Variants in CEP85 observed in about 807,000 individuals in gnomAD.
CEP85 encodes the protein centrosomal protein 85, also known as centrosomal protein of 85 kDa.
A neutral mutation model predicts 93.7 loss-of-function variants in CEP85; 58 were observed. The observed-to-expected ratio is 0.62, with a 90% CI of 0.50 to 0.77. The LOEUF (loss-of-function observed/expected upper bound fraction) is 0.77, where lower values mean the gene tolerates loss of function less well. CEP85 is among the 30% of genes least tolerant of loss of function. The pLI is 0.00. For synonymous variants in CEP85, 314 were observed against 338.6 expected, an observed-to-expected ratio of 0.93 and a Z score of 0.80; for missense variants, 868 against 922.0, an observed-to-expected ratio of 0.94 and a Z score of 0.76.
rs143678426 is a variant in CEP85 at position 26,258,180 on chromosome 1, C to T, written c.1075C>T (p.Arg359Ter). 2 of 1,614,030 alleles carry T rather than the reference C, an allele frequency of 1.2e-6. No homozygotes were observed. The highest frequency in any genetic ancestry group is 1.7e-6 in the Non-Finnish European group (2 of 1,179,956). ...CATCTCTCAGCTGGAGCAGAAAGTG[C>T]GAGAGAGCGAACTGCAAGTCCACAG... The part of the protein sequence containing the change: ...KHISQLEQKV[R>*]ESELQVHSAL... The change falls in exon 6 of 14, where the codon CGA (arginine) becomes TGA (stop). Residue 359 changes from arginine (R) to a stop codon, truncating the protein, a stop_gained. Coordinates refer to ENST00000451429, the MANE Select transcript of CEP85 (RefSeq NM_001319944.2). LOFTEE classifies it high-confidence loss of function.
chr1:26,236,649 G>C (rs1316271316), intron 1 of CEP85, among the ~76,000 whole-genome samples: 1 of 152,122 alleles, frequency 6.6e-6, no homozygotes, highest in Non-Finnish European at 1.5e-5. Context: ...GTCAATGAGG[G>C]TCAGACTCTG....
intron 3 of CEP85, 48 bp from the exon 4 acceptor site, chr1:26,255,123 A>G: frequency 6.7e-7 from 1 of 1,492,374 alleles, no homozygotes; most frequent in South Asian, 1.2e-5. Flanking sequence ...AAACTCAAGA[A>G]AGCTTGCTAC....
intron 3 of CEP85, among the ~76,000 whole-genome samples, chr1:26,251,943 T>C (rs554614104): frequency 7.2e-5 from 11 of 152,112 alleles, no homozygotes; most frequent in East Asian, 3.9e-4. Context: ...TTAAAACATA[T>C]TGCTTATGGT....
intron 11 of CEP85, chr1:26,272,287 TG>T (rs770285131): frequency 5.3e-6 from 3 of 565,396 alleles, no homozygotes; most frequent in Non-Finnish European, 6.3e-6. Flanking sequence ...CACAGTATCC[TG>T]GGGGAGTGCA....
chr1:26,240,883 G>GT (rs2089411551), intron 2 of CEP85, among the ~76,000 whole-genome samples: 1 of 151,468 alleles, frequency 6.6e-6, no homozygotes. Flanking sequence ...GGGCAACAGA[G>GT]TGAGACTGTG....
chr1:26,271,457 G>GAGGT (rs1040612820), intron 10 of CEP85: 1 of 179,916 alleles, frequency 5.6e-6, no homozygotes, highest in Non-Finnish European at 1.2e-5. Flanking sequence ...TCTAACCAGT[G>GAGGT]AGGTGCCCTG....
chr1:26,274,348 C>T (rs1488277597), intron 11 of CEP85, among the ~76,000 whole-genome samples: 9 of 152,174 alleles, frequency 5.9e-5, no homozygotes, highest in Admixed American at 5.9e-4. Flanking sequence ...CAATGCTGGT[C>T]ACAGTAAGTG....
chr1:26,241,510 C>T (rs1375485152), intron 2 of CEP85, among the ~76,000 whole-genome samples: 1 of 152,104 alleles, frequency 6.6e-6, no homozygotes, highest in African/African-American at 2.4e-5. Context: ...TCGCAAAGTG[C>T]TGGGATTACA....
rs1253222481 is a variant in CEP85 at position 26,268,551 on chromosome 1, G to C, written c.1410G>C (p.Arg470=). ...KKCQKESEQN[R]EKQQRIETLE... ...GCCAGAAGGAATCAGAGCAGAACCG[G>C]GAGAAGCAGCAGCGTATTGAGACCT... The change falls in exon 8 of 14, where the codon CGG becomes CGC. Residue 470 remains arginine (R), a synonymous_variant. Transcript: ENST00000451429. 6.2e-7 allele frequency: 1 copy of C among 1,614,114 alleles called. No homozygotes were observed.
Position 26,242,345 on chromosome 1 carries a change from G to A in CEP85, c.56-1821G>A, listed in dbSNP as rs186526168. ...GCTGTGTAGACTCACCAGAAGGTGG[G>A]ATTTCTTTGCTTTGGGCTAGAATTA... On this transcript the variant is annotated intron_variant, in intron 2 of 13. Coordinates refer to ENST00000451429, the MANE Select transcript of CEP85 (RefSeq NM_001319944.2). Among the ~76,000 whole-genome samples, 202 of 152,138 alleles carry A rather than the reference G, an allele frequency of 1.3e-3. 2 individuals carry two copies. The highest frequency in any genetic ancestry group is 3.4e-3 in the Middle Eastern group (1 of 294).
intron 11 of CEP85, among the ~76,000 whole-genome samples, chr1:26,273,663 G>T (rs191858130): frequency 6.6e-6 from 1 of 152,084 alleles, no homozygotes; most frequent in Non-Finnish European, 1.5e-5. Context: ...TTGGGAGGCC[G>T]AGGTGGGCAG....
chr1:26,248,572 TG>T (rs1186719465), intron 3 of CEP85, among the ~76,000 whole-genome samples: 2 of 151,692 alleles, frequency 1.3e-5, no homozygotes, highest in East Asian at 3.9e-4. Context: ...CTCGGCTCAC[TG>T]TAACCTCCAC....
At position 26,277,216 on chromosome 1, in the gene CEP85, C is replaced by G; in HGVS notation, c.2209C>G (p.Arg737Gly). Residue 737 changes from arginine (R) to glycine (G), a missense_variant, in exon 14 of 14, where the codon CGT becomes GGT. Physicochemically the swap from Arg to Gly is moderately radical, Grantham distance 125 (BLOSUM62 -2). Coordinates refer to ENST00000451429, the MANE Select transcript of CEP85 (RefSeq NM_001319944.2). The stretch of plus-strand genomic sequence containing the variant: ...ACTAGAAGAGGTTCAACAGCTGCGT[C>G]GTGACATTGAGGACTTAAGGACCAC... ...RKLEEVQQLR[R>G]DIEDLRTTMS... is the part of the protein sequence containing the mutation. The G allele has an allele frequency of 6.2e-7, 1 of 1,614,040 alleles. No individual in the cohort carries two copies. Among genetic ancestry groups the G allele is most frequent in the Non-Finnish European group, 8.5e-7 (1 of 1,179,896 alleles).
chr1:26,269,611 A>T lies in CEP85; in HGVS notation c.1646A>T (p.His549Leu), dbSNP rs1557666620. The T allele has an allele frequency of 3.7e-6, 6 of 1,612,822 alleles. No homozygotes were observed. The highest frequency in any genetic ancestry group is 5.1e-6 in the Non-Finnish European group (6 of 1,179,268). Reference sequence around the variant, plus strand: ...GAAGCAGAATTCTCCTCCGCTGGACATAGGTAAATAACCCTGTGGGACTGA... The same window carrying T: ...GAAGCAGAATTCTCCTCCGCTGGACTTAGGTAAATAACCCTGTGGGACTGA... ...QREAEFSSAG[H>L]SLQDKQSVEE... The change falls in exon 9 of 14, where the codon CAT becomes CTT. Residue 549 changes from histidine (H) to leucine (L), a missense_variant. Transcript: ENST00000451429.
chr1:26,270,866 C>G lies in CEP85; in HGVS notation c.1650-148C>G, dbSNP rs1257024093. 7 of 565,476 alleles carry G rather than the reference C, an allele frequency of 1.2e-5. No homozygotes were observed. In the East Asian group the frequency reaches 1.5e-4, roughly 12 times the overall value. 35.0% of individuals were successfully genotyped at this position (565,476 alleles called of 1,614,324 possible). ...ACACTGAGCAGCTTTTGTGTGGCACCCCATATATTACAGCAGACCCAAGTA... is the reference window on the plus strand; with the variant it reads ...ACACTGAGCAGCTTTTGTGTGGCACGCCATATATTACAGCAGACCCAAGTA... On this transcript the variant is annotated intron_variant, in intron 9 of 13. Transcript: ENST00000451429.
intron 7 of CEP85, among the ~76,000 whole-genome samples, chr1:26,262,578 A>T (rs2089828605): frequency 6.6e-6 from 1 of 152,158 alleles, no homozygotes; most frequent in Admixed American, 6.5e-5. Flanking sequence ...CACTAATGAA[A>T]ATAAAATCAA....
At position 26,259,781 on chromosome 1, in the gene CEP85, A is replaced by G. The variant is rs753261582; in HGVS notation, c.1320A>G (p.Glu440=). The G allele has an allele frequency of 6.2e-7, 1 of 1,612,022 alleles. No homozygotes were observed. Among genetic ancestry groups the G allele is most frequent in the South Asian group, 1.1e-5 (1 of 90,702 alleles). The change falls in exon 7 of 14, where the codon GAA becomes GAG. Residue 440 remains glutamate, a synonymous_variant. Coordinates refer to ENST00000451429, the MANE Select transcript of CEP85 (RefSeq NM_001319944.2). ...LKVALQKHSE[E]VKKQEERVKG... ...TGGCGTTGCAGAAGCATTCTGAGGA[A>G]GTGAAGAAACAGGAAGAAAGGGTGA...
At chr1:26,252,974 A>G (rs1286802380) in intron 3 of CEP85, among the ~76,000 whole-genome samples, 3 of 151,988 alleles carry the variant, frequency 2.0e-5, no homozygotes, top group Non-Finnish European at 4.4e-5. Flanking sequence ...TTTAGCTTCC[A>G]CATATAAGTA....
chr1:26,241,481 T>C (rs1457187178), intron 2 of CEP85, among the ~76,000 whole-genome samples: 1 of 152,136 alleles, frequency 6.6e-6, no homozygotes, highest in Non-Finnish European at 1.5e-5. Context: ...CCTGACCTTG[T>C]GATCTGCCCG....
Sources: allele counts gnomAD v4.1 joint callset (sites outside exome capture counted in the v4.1 genomes callset), GRCh38; gene constraint gnomAD v4.1.1; transcripts MANE v1.5; gene names NCBI Gene and HGNC (gene_info 2026-07-23, HGNC 2026-07-21).